The following BRCA1 variants were observed in gnomAD, a reference collection of about 807,000 sequenced individuals.
BRCA1 encodes the protein BRCA1 DNA repair associated, also known as breast cancer type 1 susceptibility protein.
Under a neutral mutation model 173.7 loss-of-function variants are expected in BRCA1, and 140 were observed. The observed-to-expected ratio is 0.81, with a 90% CI of 0.70 to 0.93. The LOEUF (loss-of-function observed/expected upper bound fraction) is 0.93. BRCA1 is among the 40% of genes least tolerant of loss of function. The pLI is 0.00. For synonymous variants in BRCA1, 662 were observed against 756.0 expected, an observed-to-expected ratio of 0.88 and a Z score of 2.04; for missense variants, 1,983 against 2,172.5, an observed-to-expected ratio of 0.91 and a Z score of 1.73.
At chr17:43,064,114 A>T (rs1275010997) in intron 16 of BRCA1, among the ~76,000 whole-genome samples, 163 bp from the exon 17 acceptor site, 1 of 152,196 alleles carries the variant, frequency 6.6e-6, no homozygotes, top group Non-Finnish European at 1.5e-5. Flanking sequence ...AACACCACTA[A>T]TTATAACCAG....
chr17:43,065,062 C>T (rs1385965529), intron 16 of BRCA1, among the ~76,000 whole-genome samples: 1 of 151,992 alleles, frequency 6.6e-6, no homozygotes, highest in Non-Finnish European at 1.5e-5. Context: ...GATCTCCTGA[C>T]CTCGTGATCT....
At position 43,093,765 on chromosome 17, in the gene BRCA1, C is replaced by A. The variant is rs1567798335; in HGVS notation, c.1766G>T (p.Ser589Ile). Residue 589 changes from serine (S) to isoleucine (I), a missense_variant, in exon 10 of 23, where the codon AGC becomes ATC. Transcript: ENST00000357654. ...TTCGAGTTCCATATTGCTTATACTG[C>A]TGCTTATAGGTTCAGCTTTCGTTTT... ...AFKTKAEPISSSISNMELELN... is the reference protein window; with the variant it reads ...AFKTKAEPISISISNMELELN... The A allele has an allele frequency of 1.2e-6, 2 of 1,613,812 alleles. No individual in the cohort carries two copies. The highest frequency in any genetic ancestry group is 3.3e-5 in the Admixed American group (2 of 59,988).
intron 16 of BRCA1, 97 bp from the exon 17 acceptor site, chr17:43,064,048 A>C: frequency 1.0e-6 from 1 of 963,332 alleles, no homozygotes; most frequent in African/African-American, 1.6e-5. Flanking sequence ...TTACACTCCC[A>C]AGATCAATCT....
intron 2 of BRCA1, among the ~76,000 whole-genome samples, chr17:43,123,300 A>G (rs1330809843): frequency 6.6e-6 from 1 of 151,614 alleles, no homozygotes; most frequent in Non-Finnish European, 1.5e-5. Context: ...CCAGTTTCAA[A>G]CAAAGGTTCT....
chr17:43,139,809 TTC>T (rs2056060929), intron 1 of BRCA1: 1 of 458,658 alleles, frequency 2.2e-6, no homozygotes, highest in Non-Finnish European at 4.4e-6. Flanking sequence ...TTCTGTTCCT[TTC>T]TTAGTTTGCT....
intron 19 of BRCA1, among the ~76,000 whole-genome samples, chr17:43,052,331 A>G (rs1343398499): frequency 6.6e-6 from 1 of 151,958 alleles, no homozygotes; most frequent in Non-Finnish European, 1.5e-5. Flanking sequence ...CTCAGGCTGG[A>G]GTACAGTGGC....
At chr17:43,151,644 T>A (rs2056162607) in intron 1 of BRCA1, among the ~76,000 whole-genome samples, 1 of 152,026 alleles carries the variant, frequency 6.6e-6, no homozygotes, top group South Asian at 2.1e-4. Context: ...AATCCCAACA[T>A]TTTGGGAGGC....
chr17:43,065,290 G>A (rs1459676846), intron 16 of BRCA1, among the ~76,000 whole-genome samples: 1 of 152,154 alleles, frequency 6.6e-6, no homozygotes, highest in Non-Finnish European at 1.5e-5. Context: ...TCATGAGTAA[G>A]TGGAAACCTA....
rs80357868 is a variant in BRCA1, at chr17:43,091,771, TAGAC to T, written c.3756_3759del (p.Ser1253ArgfsTer10). On this transcript the variant is annotated frameshift_variant, in exon 10 of 23. Transcript: ENST00000357654. LOFTEE classifies it high-confidence loss of function. ...GATAATAAATTCTCCTCTGTGTTCT[TAGAC>T]AGACACTCGGTAGCAACGGTGCTAT... 23 of 1,614,000 alleles carry T rather than the reference TAGAC, an allele frequency of 1.4e-5. No homozygotes were observed. Among genetic ancestry groups the T allele is most frequent in the Non-Finnish European group, 1.9e-5 (22 of 1,179,968 alleles).
chr17:43,055,594 G>A (rs1193674649), intron 19 of BRCA1, among the ~76,000 whole-genome samples: 1 of 152,234 alleles, frequency 6.6e-6, no homozygotes, highest in Non-Finnish European at 1.5e-5. Flanking sequence ...AGACCAGCCT[G>A]GCCAACATGT....
intron 15 of BRCA1, among the ~76,000 whole-genome samples, chr17:43,068,003 C>T (rs773937268): frequency 5.3e-5 from 8 of 150,188 alleles, no homozygotes; most frequent in Non-Finnish European, 4.4e-5. Flanking sequence ...CTCGGCTGGG[C>T]GCGGTGGCTC....
chr17:43,045,620 G>GCTC lies in BRCA1; in HGVS notation c.*57_*58insGAG. ...AGAGGAGCTCCCAGGGCCTGGAAAG[G>GCTC]CCACTTTGTAAGCTCATTCTTGGGG... On this transcript the variant is annotated 3_prime_UTR_variant, in exon 23 of 23. Coordinates refer to ENST00000357654, the MANE Select transcript of BRCA1 (RefSeq NM_007294.4). 1 of 1,612,226 alleles carries GCTC rather than the reference G, an allele frequency of 6.2e-7. No homozygotes were observed.
chr17:43,082,564 G>C lies in BRCA1; in HGVS notation c.4197C>G (p.Thr1399=), dbSNP rs876659552. The C allele has an allele frequency of 6.2e-7, 1 of 1,613,944 alleles. No homozygotes were observed. The highest frequency in any genetic ancestry group is 8.5e-7 in the Non-Finnish European group (1 of 1,179,990). Residue 1399 remains threonine, a synonymous_variant, in exon 12 of 23, where the codon ACC becomes ACG. Coordinates refer to ENST00000357654, the MANE Select transcript of BRCA1 (RefSeq NM_007294.4). ...SDILTTQQRD[T]MQHNLIKLQQ... ...GGAGCTTTATCAGGTTATGTTGCATGGTATCCCTCTGCTTCAAAAACGATA... is the reference window on the plus strand; with the variant it reads ...GGAGCTTTATCAGGTTATGTTGCATCGTATCCCTCTGCTTCAAAAACGATA...
intron 2 of BRCA1, among the ~76,000 whole-genome samples, chr17:43,117,880 C>G (rs2055366889): frequency 6.6e-6 from 1 of 152,162 alleles, no homozygotes; most frequent in Non-Finnish European, 1.5e-5. Context: ...TATTAAGTAT[C>G]TACTACTATA....
rs273901740 is a variant in BRCA1 at position 43,071,202 on chromosome 17, A to G, written c.4712T>C (p.Phe1571Ser). ...TPYLESGISL[F>S]SDDPESDPSE... is the part of the protein sequence containing the mutation. ...AGGATCAGATTCAGGGTCATCAGAG[A>G]AGAGGCTGATTCCAGATTCCAGGTA... The change falls in exon 15 of 23, where the codon TTC becomes TCC. Residue 1571 changes from phenylalanine to serine, a missense_variant. By Grantham distance (155) the Phe-to-Ser change is radical (BLOSUM62 -2). Coordinates refer to ENST00000357654, the MANE Select transcript of BRCA1 (RefSeq NM_007294.4). 1.9e-6 allele frequency: 3 copies of G among 1,614,192 alleles called. No homozygotes were observed. Among genetic ancestry groups the G allele is most frequent in the Non-Finnish European group, 2.5e-6 (3 of 1,180,032 alleles).
intron 15 of BRCA1, 24 bp downstream of exon 15, chr17:43,070,904 G>A (rs2052350040): frequency 3.1e-6 from 5 of 1,612,632 alleles, no homozygotes; most frequent in South Asian, 1.1e-5. Context: ...TAGTCATTAG[G>A]GAGATACATA....
chr17:43,105,148 T>C (rs1488494590), intron 4 of BRCA1, among the ~76,000 whole-genome samples, 192 bp from the exon 5 acceptor site: 1 of 152,240 alleles, frequency 6.6e-6, no homozygotes, highest in African/African-American at 2.4e-5. Flanking sequence ...TTGTCATTCA[T>C]TTAAGCCTAC....
At position 43,076,473 on chromosome 17, in the gene BRCA1, A is replaced by G. The variant is rs760275914; in HGVS notation, c.4484+15T>C. ...ATGTCAGATACCACAGCATCTTTAC[A>G]TTGATGTTTCTTACCTTTCCACTCC... On this transcript the variant is annotated intron_variant, in intron 13 of 22. Coordinates refer to ENST00000357654, the MANE Select transcript of BRCA1 (RefSeq NM_007294.4). 7.4e-6 allele frequency: 12 copies of G among 1,613,106 alleles called. No homozygotes were observed. Among genetic ancestry groups the G allele is most frequent in the Non-Finnish European group, 9.3e-6 (11 of 1,179,578 alleles).
At position 43,096,428 on chromosome 17, in the gene BRCA1, C is replaced by T. The variant is rs1161842288; in HGVS notation, c.594-506G>A. Among the ~76,000 whole-genome samples the T allele has an allele frequency of 6.0e-5, 9 of 148,798 alleles. No individual in the cohort carries two copies. In the East Asian group the frequency reaches 1.6e-3, roughly 26 times the overall value. On this transcript the variant is annotated intron_variant, in intron 8 of 22. Coordinates refer to ENST00000357654, the MANE Select transcript of BRCA1 (RefSeq NM_007294.4). ...GAAAGAAATGGAATGGTCAATTAAC[C>T]GGGCGTGGTGGTGTATACCTGTAGT... is the stretch of plus-strand genomic sequence containing the variant.
Sources: allele counts gnomAD v4.1 joint callset (sites outside exome capture counted in the v4.1 genomes callset), GRCh38; gene constraint gnomAD v4.1.1; transcripts MANE v1.5; gene names NCBI Gene and HGNC (gene_info 2026-07-23, HGNC 2026-07-21).